DIAPH3: variants seen among roughly 807,000 people sequenced by gnomAD.
DIAPH3 encodes the protein protein diaphanous homolog 3.
Under a neutral mutation model 144.3 loss-of-function variants are expected in DIAPH3, and 117 were observed. That is an observed-to-expected ratio of 0.81 (90% confidence interval 0.70 to 0.95). The LOEUF (loss-of-function observed/expected upper bound fraction) is 0.95, where lower values mean the gene tolerates loss of function less well. Ranked by LOEUF, DIAPH3 falls within the 40% of genes least tolerant of loss-of-function variation. DIAPH3 has a pLI of 0.00. For synonymous variants in DIAPH3, 519 were observed against 488.9 expected, an observed-to-expected ratio of 1.06 and a Z score of -0.81; for missense variants, 1,421 against 1,412.7, an observed-to-expected ratio of 1.01 and a Z score of -0.09.
intron 27 of DIAPH3, among the ~76,000 whole-genome samples, chr13:59,772,497 A>C (rs1052261252): frequency 6.6e-6 from 1 of 152,096 alleles, no homozygotes; most frequent in African/African-American, 2.4e-5. Context: ...TTAGAACTTA[A>C]GCCAGTACAC....
intron 17 of DIAPH3, among the ~76,000 whole-genome samples, chr13:59,931,050 T>C (rs1374480400): frequency 5.3e-5 from 8 of 152,178 alleles, no homozygotes; most frequent in African/African-American, 1.7e-4. Context: ...AGCAAACTCC[T>C]GACATATACG....
intron 27 of DIAPH3, among the ~76,000 whole-genome samples, chr13:59,721,590 AG>A (rs1332103058): frequency 6.6e-6 from 1 of 152,210 alleles, no homozygotes; most frequent in African/African-American, 2.4e-5. Context: ...CCCAAGGAAA[AG>A]AAATGAGTGT....
intron 1 of DIAPH3, among the ~76,000 whole-genome samples, chr13:60,146,935 A>G (rs571256639): frequency 6.6e-6 from 1 of 152,342 alleles, no homozygotes; most frequent in African/African-American, 2.4e-5. Flanking sequence ...GATAATTCTC[A>G]CATGCCTGTT....
intron 1 of DIAPH3, 115 bp downstream of exon 1, chr13:60,163,472 C>A (rs943111612): frequency 5.7e-6 from 8 of 1,403,808 alleles, no homozygotes; most frequent in Non-Finnish European, 7.7e-6. Context: ...TGATCTTTGG[C>A]ACCTCTGGAT....
At chr13:60,000,453 T>G (rs965995031) in intron 9 of DIAPH3, among the ~76,000 whole-genome samples, 7 of 151,356 alleles carry the variant, frequency 4.6e-5, no homozygotes, top group African/African-American at 1.7e-4. Context: ...ACAATGGCTA[T>G]GTATTTCAAC....
At chr13:60,073,992 G>T (rs2057297572) in intron 4 of DIAPH3, among the ~76,000 whole-genome samples, 1 of 152,120 alleles carries the variant, frequency 6.6e-6, no homozygotes, top group South Asian at 2.1e-4. Context: ...ATCAGATTCT[G>T]TTTCTGCTAA....
At chr13:59,804,686 C>T (rs907496143) in intron 25 of DIAPH3, among the ~76,000 whole-genome samples, 4 of 151,922 alleles carry the variant, frequency 2.6e-5, no homozygotes, top group African/African-American at 9.7e-5. Flanking sequence ...TTTGTTCTAC[C>T]CTTCTATATC....
chr13:60,102,700 C>T (rs904001362), intron 3 of DIAPH3, among the ~76,000 whole-genome samples: 3 of 152,116 alleles, frequency 2.0e-5, no homozygotes, highest in African/African-American at 4.8e-5. Flanking sequence ...AGCTAAAATC[C>T]ATCACTTTTT....
chr13:60,000,519 T>C (rs1235230310), intron 9 of DIAPH3, among the ~76,000 whole-genome samples: 5 of 151,484 alleles, frequency 3.3e-5, no homozygotes, highest in Non-Finnish European at 7.4e-5. Context: ...TCATAACAAG[T>C]AGAGATCCAC....
At chr13:59,699,306 A>G (rs990278792) in intron 27 of DIAPH3, among the ~76,000 whole-genome samples, 1 of 152,208 alleles carries the variant, frequency 6.6e-6, no homozygotes, top group African/African-American at 2.4e-5. Flanking sequence ...TATATTTTGA[A>G]GATGTTCCAG....
At chr13:60,027,385 A>G (rs1172406042) in intron 5 of DIAPH3, among the ~76,000 whole-genome samples, 1 of 152,224 alleles carries the variant, frequency 6.6e-6, no homozygotes, top group Non-Finnish European at 1.5e-5. Flanking sequence ...TCTTAAAGAA[A>G]CTGTATATTT....
intron 4 of DIAPH3, among the ~76,000 whole-genome samples, chr13:60,090,841 A>G (rs1265015334): frequency 6.6e-6 from 1 of 152,200 alleles, no homozygotes; most frequent in Non-Finnish European, 1.5e-5. Flanking sequence ...TAAATGAGTC[A>G]ATGCTGTAAT....
chr13:59,782,246 A>G (rs555829950), intron 25 of DIAPH3, among the ~76,000 whole-genome samples: 1 of 152,316 alleles, frequency 6.6e-6, no homozygotes, highest in East Asian at 1.9e-4. Flanking sequence ...ACTGTGATAT[A>G]ATTATAATGA....
intron 1 of DIAPH3, among the ~76,000 whole-genome samples, chr13:60,160,815 A>C (rs1952255546): frequency 6.6e-6 from 1 of 152,228 alleles, no homozygotes; most frequent in Non-Finnish European, 1.5e-5. Context: ...AAGTCAATTG[A>C]TTCGTAGCAC....
At chr13:59,761,463 T>C (rs1566272926) in intron 27 of DIAPH3, among the ~76,000 whole-genome samples, 1 of 152,230 alleles carries the variant, frequency 6.6e-6, no homozygotes, top group Admixed American at 6.5e-5. Flanking sequence ...TACTTGATTT[T>C]TCTCTATTGC....
intron 3 of DIAPH3, 30 bp downstream of exon 3, chr13:60,111,980 A>C (rs745821159): frequency 6.2e-7 from 1 of 1,612,298 alleles, no homozygotes; most frequent in Non-Finnish European, 8.5e-7. Flanking sequence ...CTTTTTCCTC[A>C]AACATTTCCT....
chr13:60,037,762 T>C (rs2055335273), intron 5 of DIAPH3, among the ~76,000 whole-genome samples: 1 of 151,994 alleles, frequency 6.6e-6, no homozygotes, highest in South Asian at 2.1e-4. Context: ...TCCAACATAT[T>C]TTCACAATTG....
At chr13:60,046,957 C>T (rs2056097473) in intron 4 of DIAPH3, among the ~76,000 whole-genome samples, 1 of 151,758 alleles carries the variant, frequency 6.6e-6, no homozygotes. Flanking sequence ...GGGAACTTCA[C>T]ATACCGGGGC....
At chr13:59,750,588 A>C (rs1490497820) in intron 27 of DIAPH3, among the ~76,000 whole-genome samples, 1 of 152,212 alleles carries the variant, frequency 6.6e-6, no homozygotes, top group Non-Finnish European at 1.5e-5. Context: ...TTGGCAGTTA[A>C]ATCATAAGTC....
Sources: allele counts gnomAD v4.1 joint callset (sites outside exome capture counted in the v4.1 genomes callset), GRCh38; gene constraint gnomAD v4.1.1; transcripts MANE v1.5; gene names NCBI Gene and HGNC (gene_info 2026-07-23, HGNC 2026-07-21).